The following JAZF1 variants were observed in gnomAD, a reference collection of about 807,000 sequenced individuals.
JAZF1 encodes the protein JAZF zinc finger 1.
A neutral mutation model predicts 26.4 loss-of-function variants in JAZF1; 8 were observed. That is an observed-to-expected ratio of 0.30 (90% CI 0.18 to 0.55). The LOEUF (loss-of-function observed/expected upper bound fraction) is 0.55. Among genes scored for constraint, JAZF1 ranks in the 20% least tolerant of loss-of-function variants. The pLI, the probability that JAZF1 is intolerant of heterozygous loss-of-function variation, is 0.94. For missense variants in JAZF1, 199 were observed against 322.0 expected (o/e 0.62, Z 2.92); for synonymous variants, 126 against 122.3 (o/e 1.03, Z -0.20).
At chr7:27,913,522 G>A (rs142800349) in intron 2 of JAZF1, 32 of 310,816 alleles carry the variant, frequency 1.0e-4, no homozygotes, top group African/African-American at 2.8e-4. Context: ...GGGGCGCTGC[G>A]GAGCTAAGTG....
At chr7:27,837,098 C>G (rs1405734668) in intron 4 of JAZF1, among the ~76,000 whole-genome samples, 2 of 152,148 alleles carry the variant, frequency 1.3e-5, no homozygotes, top group African/African-American at 4.8e-5. Context: ...CAATGTACCT[C>G]TCTGCAGCAG....
intron 1 of JAZF1, among the ~76,000 whole-genome samples, chr7:28,045,855 T>C (rs1413952114): frequency 6.6e-6 from 1 of 152,244 alleles, no homozygotes; most frequent in Non-Finnish European, 1.5e-5. Context: ...ATTACAGGAA[T>C]GAGCCACTGT....
chr7:28,028,321 A>C (rs1783126915), intron 1 of JAZF1, among the ~76,000 whole-genome samples: 1 of 152,220 alleles, frequency 6.6e-6, no homozygotes, highest in African/African-American at 2.4e-5. Context: ...GAACAATATC[A>C]AAGACCAAGG....
chr7:27,945,478 C>T (rs1168905335), intron 2 of JAZF1, among the ~76,000 whole-genome samples: 1 of 152,180 alleles, frequency 6.6e-6, no homozygotes, highest in Non-Finnish European at 1.5e-5. Context: ...CAGATCTTTT[C>T]AGTTCTTCCT....
At chr7:28,025,031 G>C (rs544129391) in intron 1 of JAZF1, among the ~76,000 whole-genome samples, 3 of 152,314 alleles carry the variant, frequency 2.0e-5, no homozygotes, top group East Asian at 3.9e-4. Context: ...TACAGCCCAA[G>C]CTCTTCTCTG....
Position 27,832,724 on chromosome 7 carries a change from C to A in JAZF1, c.*76G>T. The A allele has an allele frequency of 8.3e-7, 1 of 1,204,078 alleles. No individual in the cohort carries two copies. Among genetic ancestry groups the A allele is most frequent in the Non-Finnish European group, 1.1e-6 (1 of 882,362 alleles). 74.6% of individuals were successfully genotyped at this position (1,204,078 alleles called of 1,614,324 possible). On this transcript the variant is annotated 3_prime_UTR_variant, in exon 5 of 5. Coordinates refer to ENST00000283928, the MANE Select transcript of JAZF1 (RefSeq NM_175061.4). ...TTCTTTAAAGGGTTGCTGAATGCTT[C>A]CCCTGAAAAAAGGTGGCTGTTTTCA...
At chr7:28,180,278 G>A (rs1783621606) in intron 1 of JAZF1, 185 bp downstream of exon 1, 1 of 67,340 alleles carries the variant, frequency 1.5e-5, no homozygotes. Flanking sequence ...CCCCACCCGA[G>A]CCCGCTCCCC....
intron 1 of JAZF1, among the ~76,000 whole-genome samples, chr7:28,131,439 A>C (rs1214148536): frequency 1.3e-5 from 2 of 152,174 alleles, no homozygotes; most frequent in South Asian, 4.1e-4. Flanking sequence ...ATTTCACCAG[A>C]GCCTTCTCTC....
intron 2 of JAZF1, among the ~76,000 whole-genome samples, chr7:27,944,457 C>G (rs1388572501): frequency 6.6e-6 from 1 of 152,190 alleles, no homozygotes; most frequent in African/African-American, 2.4e-5. Context: ...ATCAAGTAAC[C>G]TGAAATACAA....
chr7:28,005,444 G>C (rs1485689441), intron 1 of JAZF1, among the ~76,000 whole-genome samples: 2 of 151,384 alleles, frequency 1.3e-5, no homozygotes, highest in Non-Finnish European at 2.9e-5. Flanking sequence ...ACAGGAGAAA[G>C]AGCTGAACAT....
intron 1 of JAZF1, among the ~76,000 whole-genome samples, chr7:28,115,702 A>G (rs1210753717): frequency 1.3e-5 from 2 of 152,188 alleles, no homozygotes; most frequent in African/African-American, 4.8e-5. Flanking sequence ...GTACACAATG[A>G]AGAGTATTGC....
intron 1 of JAZF1, among the ~76,000 whole-genome samples, chr7:28,094,696 C>A (rs1302714075): frequency 6.6e-6 from 1 of 152,312 alleles, no homozygotes; most frequent in African/African-American, 2.4e-5. Context: ...GCTTCTCCTT[C>A]CAGGCAAGAA....
At chr7:27,941,402 A>C (rs1784846317) in intron 2 of JAZF1, among the ~76,000 whole-genome samples, 1 of 152,170 alleles carries the variant, frequency 6.6e-6, no homozygotes, top group African/African-American at 2.4e-5. Flanking sequence ...GCCTGCAGTT[A>C]ATCTTTATTC....
At chr7:28,047,230 T>C (rs1783511277) in intron 1 of JAZF1, among the ~76,000 whole-genome samples, 1 of 152,178 alleles carries the variant, frequency 6.6e-6, no homozygotes, top group Non-Finnish European at 1.5e-5. Context: ...GATCTCTTTA[T>C]GGATTCTCCA....
chr7:28,106,357 A>T (rs1269710824), intron 1 of JAZF1, among the ~76,000 whole-genome samples: 5 of 152,008 alleles, frequency 3.3e-5, no homozygotes, highest in African/African-American at 1.2e-4. Flanking sequence ...TCTCCCAACA[A>T]CCTCTGACGC....
intron 2 of JAZF1, among the ~76,000 whole-genome samples, chr7:27,977,602 A>C (rs1367357124): frequency 6.6e-6 from 1 of 152,118 alleles, no homozygotes; most frequent in Non-Finnish European, 1.5e-5. Flanking sequence ...TTAAGACTCA[A>C]AGTCTTACCC....
intron 2 of JAZF1, among the ~76,000 whole-genome samples, chr7:27,987,234 C>T (rs1350884133): frequency 2.0e-5 from 3 of 151,382 alleles, no homozygotes; most frequent in Non-Finnish European, 2.9e-5. Flanking sequence ...GGCCGCCCAT[C>T]GTCTGAGATG....
intron 2 of JAZF1, among the ~76,000 whole-genome samples, chr7:27,972,699 C>T (rs930079734): frequency 2.0e-5 from 3 of 152,050 alleles, no homozygotes; most frequent in African/African-American, 2.4e-5. Flanking sequence ...CTGGGATATC[C>T]ACCACTTAAT....
At chr7:27,841,080 A>G in intron 3 of JAZF1, 1 of 501,150 alleles carries the variant, frequency 2.0e-6, no homozygotes, top group South Asian at 3.0e-5. Flanking sequence ...GACCAGGGCA[A>G]GGGCTTCCCA....
Sources: gnomAD v4.1 joint callset for allele counts (sites outside exome capture counted in the v4.1 genomes callset) on GRCh38, gnomAD v4.1.1 for gene constraint, MANE v1.5 for transcripts, NCBI Gene and HGNC (gene_info 2026-07-23, HGNC 2026-07-21) for gene names.